The following CHD1L variants were observed in gnomAD, a reference collection of about 807,000 sequenced individuals.
The protein encoded by CHD1L is ATP-dependent chromatin remodeler CHD1L.
A neutral mutation model predicts 115.9 loss-of-function variants in CHD1L; 118 were observed. That is an observed-to-expected ratio of 1.02 (90% CI 0.88 to 1.19). The LOEUF (loss-of-function observed/expected upper bound fraction) is 1.19. Among genes scored for constraint, CHD1L ranks in the 50% most tolerant of loss-of-function variants. The probability of loss-of-function intolerance (pLI) is 0.00; values close to 1 mark genes in which losing one functional copy is unlikely to be tolerated. For synonymous variants in CHD1L, 411 were observed against 387.1 expected, an observed-to-expected ratio of 1.06 and a Z score of -0.72; for missense variants, 1,179 against 1,065.3, an observed-to-expected ratio of 1.11 and a Z score of -1.49.
At chr1:147,275,959 C>G in intron 13 of CHD1L, 145 bp from the exon 14 acceptor site, 1 of 759,816 alleles carries the variant, frequency 1.3e-6, no homozygotes, top group Non-Finnish European at 2.1e-6. Context: ...AACAAGTGCT[C>G]AGGACCAAAT....
At chr1:147,252,262 G>C (rs1395370417) in intron 1 of CHD1L, among the ~76,000 whole-genome samples, 8 of 152,298 alleles carry the variant, frequency 5.3e-5, no homozygotes, top group Non-Finnish European at 1.0e-4. Flanking sequence ...TACAATCCAT[G>C]TGTTGTTGCT....
chr1:147,287,093 T>C (rs587748680), intron 18 of CHD1L, among the ~76,000 whole-genome samples: 6 of 152,356 alleles, frequency 3.9e-5, no homozygotes, highest in Admixed American at 1.3e-4. Flanking sequence ...AATACACTTA[T>C]GGCAGCAGGG....
At chr1:147,229,510 A>G in the CHD1L span, among the ~76,000 whole-genome samples, 12 of 150,758 alleles carry the variant, frequency 8.0e-5, no homozygotes, top group African/African-American at 1.7e-4. Context: ...TTGGTTCCAT[A>G]TGAACTTTAA....
the CHD1L span, among the ~76,000 whole-genome samples, chr1:147,216,711 C>T: frequency 2.0e-5 from 3 of 152,318 alleles, no homozygotes; most frequent in South Asian, 6.2e-4. Context: ...TAGATCCTTA[C>T]TACCAAAGTA....
At chr1:147,240,114 A>G (rs1664729137), upstream of CHD1L, among the ~76,000 whole-genome samples, 1 of 152,238 alleles carries the variant, frequency 6.6e-6, no homozygotes, top group Admixed American at 6.5e-5. Flanking sequence ...GGGAAAAGAA[A>G]GAGAGCTCAG....
the CHD1L span, chr1:147,179,630 C>CACCTCCTGCCTACAA: frequency 1.3e-6 from 2 of 1,498,166 alleles, no homozygotes; most frequent in Non-Finnish European, 1.9e-6. Flanking sequence ...ATCTCTAAAG[C>CACCTCCTGCCTACAA]AGTAGGCAAA....
the CHD1L span, chr1:147,201,426 A>AT: frequency 1.2e-6 from 2 of 1,614,176 alleles, no homozygotes; most frequent in Non-Finnish European, 1.7e-6. Context: ...ATTCCTTCAC[A>AT]TTTCCTTTCA....
intron 7 of CHD1L, 141 bp from the exon 8 acceptor site, chr1:147,265,791 A>G: frequency 1.6e-6 from 1 of 642,026 alleles, no homozygotes; most frequent in South Asian, 3.0e-5. Flanking sequence ...AAGAAATACT[A>G]TAAAAAAATG....
At chr1:147,215,788 T>A in the CHD1L span, 1 of 1,610,674 alleles carries the variant, frequency 6.2e-7, no homozygotes, top group Non-Finnish European at 8.5e-7. Flanking sequence ...GTCAAATTCT[T>A]TGGCATACAT....
chr1:147,180,255 G>A, the CHD1L span, among the ~76,000 whole-genome samples: 1 of 151,858 alleles, frequency 6.6e-6, no homozygotes, highest in African/African-American at 2.4e-5. Flanking sequence ...GGGAAATAGA[G>A]AAAAAAGACT....
At chr1:147,278,222 GTTTTTTTTTT>G (rs71083825) in intron 14 of CHD1L, among the ~76,000 whole-genome samples, 1 of 91,130 alleles carries the variant, frequency 1.1e-5, no homozygotes, top group East Asian at 3.4e-4. Context: ...TGTTTTTTGG[GTTTTTTTTTT>G]TTTTTTTTTT....
At chr1:147,205,964 T>C in the CHD1L span, among the ~76,000 whole-genome samples, 3 of 151,988 alleles carry the variant, frequency 2.0e-5, no homozygotes, top group Non-Finnish European at 4.4e-5. Flanking sequence ...GAAACTACCA[T>C]CAAAGTGAAC....
chr1:147,186,961 A>G, the CHD1L span: 1 of 1,614,210 alleles, frequency 6.2e-7, no homozygotes, highest in East Asian at 2.2e-5. Flanking sequence ...GCCTATTGTC[A>G]TTGTTGAAGT....
At chr1:147,208,701 A>G in the CHD1L span, 2 of 598,682 alleles carry the variant, frequency 3.3e-6, no homozygotes, top group Non-Finnish European at 5.9e-6. Flanking sequence ...CGCCTCCCAG[A>G]GTGCTGGGAT....
At chr1:147,175,244 G>A in the CHD1L span, 24 of 152,024 alleles carry the variant, frequency 1.6e-4, no homozygotes, top group African/African-American at 5.3e-4. Flanking sequence ...GTATTTATCC[G>A]AGTGACATAA....
chr1:147,242,504 T>G (rs193193499), upstream of CHD1L: 242 of 472,508 alleles, frequency 5.1e-4, 1 homozygote, highest in African/African-American at 4.2e-3. Context: ...GGGCAGCCCT[T>G]CCACGCTCCG....
the CHD1L span, among the ~76,000 whole-genome samples, chr1:147,181,136 T>A: frequency 0.037 from 5,608 of 152,282 alleles, 148 homozygotes; most frequent in South Asian, 0.095. Context: ...TCATACAGAA[T>A]TCCAAATAAT....
chr1:147,229,012 A>T, the CHD1L span, among the ~76,000 whole-genome samples: 1 of 152,130 alleles, frequency 6.6e-6, no homozygotes, highest in Non-Finnish European at 1.5e-5. Context: ...TCCTTAGTGT[A>T]ATTAGATCCC....
chr1:147,276,360 C>G lies in CHD1L; in HGVS notation c.1539+103C>G. 3 of 1,239,998 alleles carry G rather than the reference C, an allele frequency of 2.4e-6. No individual in the cohort carries two copies. In the South Asian group the frequency reaches 4.3e-5, roughly 18 times the overall value. The allele number at this position is 1,239,998 out of a possible 1,614,324, so 76.8% of individuals were successfully genotyped here. A position where few individuals can be genotyped will look rare whatever the true frequency, so the allele number is the denominator to read the frequency against. Reference sequence around the variant, plus strand: ...AGCACTCACCCTCTCCCCAGCTACACATTTGTTCCTTGGCCTCCCTCACAC... The same window carrying G: ...AGCACTCACCCTCTCCCCAGCTACAGATTTGTTCCTTGGCCTCCCTCACAC... On this transcript the variant is annotated intron_variant, in intron 14 of 22. Transcript: ENST00000369258.
Sources: gnomAD v4.1 joint callset for allele counts (sites outside exome capture counted in the v4.1 genomes callset) on GRCh38, gnomAD v4.1.1 for gene constraint, MANE v1.5 for transcripts, NCBI Gene and HGNC (gene_info 2026-07-23, HGNC 2026-07-21) for gene names.